The following KIAA0825 variants were observed in gnomAD, a reference collection of about 807,000 sequenced individuals.
KIAA0825 encodes uncharacterized protein KIAA0825.
In KIAA0825, 119 loss-of-function variants were observed where a neutral mutation model predicts 147.6. The observed-to-expected ratio is 0.81, with a 90% confidence interval of 0.69 to 0.94. KIAA0825 has a LOEUF of 0.94. Ranked by LOEUF, KIAA0825 falls within the 40% of genes least tolerant of loss-of-function variation. The probability of loss-of-function intolerance (pLI) is 0.00; values close to 1 mark genes in which losing one functional copy is unlikely to be tolerated. For missense variants in KIAA0825, 1,381 were observed against 1,472.7 expected (o/e 0.94, Z 1.02); for synonymous variants, 470 against 518.1 (o/e 0.91, Z 1.26).
At chr5:94,297,648 T>C (rs2150175323) in intron 20 of KIAA0825, among the ~76,000 whole-genome samples, 1 of 152,066 alleles carries the variant, frequency 6.6e-6, no homozygotes, top group African/African-American at 2.4e-5. Flanking sequence ...CGGGCTAGAG[T>C]GCAGTGGCGC....
At chr5:94,255,992 A>C (rs1776234689) in intron 20 of KIAA0825, among the ~76,000 whole-genome samples, 1 of 151,868 alleles carries the variant, frequency 6.6e-6, no homozygotes. Context: ...GGGATTACAG[A>C]TGTAAGCCAC....
intron 20 of KIAA0825, among the ~76,000 whole-genome samples, chr5:94,238,537 T>C (rs1296884432): frequency 1.3e-5 from 2 of 152,218 alleles, no homozygotes; most frequent in African/African-American, 2.4e-5. Flanking sequence ...TGTTCACTTA[T>C]GTTTTTCTAA....
intron 20 of KIAA0825, among the ~76,000 whole-genome samples, chr5:94,269,075 T>A (rs1660140752): frequency 6.6e-6 from 1 of 152,208 alleles, no homozygotes. Context: ...CAAAGTAATA[T>A]GCTAGTTTAC....
intron 20 of KIAA0825, among the ~76,000 whole-genome samples, chr5:94,274,602 A>G (rs984739263): frequency 6.6e-6 from 1 of 152,154 alleles, no homozygotes; most frequent in Admixed American, 6.6e-5. Context: ...GTTCTTTTGC[A>G]TACTACAGCC....
In KIAA0825 at chr5:94,550,759, G is replaced by A. The variant is rs375463711; in HGVS notation, c.-1-13632C>T. On this transcript the variant is annotated intron_variant, in intron 2 of 20. Transcript: ENST00000682413. ...TGGGAGGCTGAGGCAGGAGAATGGC[G>A]TGAGCCCGGGAGGCGGAGCTTGCAG... Among the ~76,000 whole-genome samples, 264 of 151,654 alleles carry A rather than the reference G, an allele frequency of 1.7e-3. 7 individuals carry two copies. In the South Asian group the frequency reaches 0.033, roughly 19 times the overall value.
At chr5:94,399,772 T>G (rs1584379539) in intron 16 of KIAA0825, among the ~76,000 whole-genome samples, 1 of 152,232 alleles carries the variant, frequency 6.6e-6, no homozygotes, top group East Asian at 1.9e-4. Flanking sequence ...TCATTTCTTC[T>G]TTTCTGTAAT....
At chr5:94,612,485 G>A (rs1789129861) in intron 1 of KIAA0825, among the ~76,000 whole-genome samples, 1 of 152,038 alleles carries the variant, frequency 6.6e-6, no homozygotes, top group South Asian at 2.1e-4. Context: ...TGTCAGACGT[G>A]CATTGAGGCC....
chr5:94,523,378 A>C (rs1457336774), intron 4 of KIAA0825, among the ~76,000 whole-genome samples: 4 of 151,662 alleles, frequency 2.6e-5, no homozygotes. Flanking sequence ...TCTCTAGCAT[A>C]GATGGTGGTC....
At chr5:94,517,234 C>CT (rs1767411497) in intron 5 of KIAA0825, among the ~76,000 whole-genome samples, 1 of 152,096 alleles carries the variant, frequency 6.6e-6, no homozygotes, top group Admixed American at 6.5e-5. Context: ...GAGAAATCTT[C>CT]TTTTTTTGGC....
At chr5:94,299,340 C>T (rs1778278136) in intron 20 of KIAA0825, among the ~76,000 whole-genome samples, 1 of 151,714 alleles carries the variant, frequency 6.6e-6, no homozygotes, top group African/African-American at 2.4e-5. Flanking sequence ...TCTCAGCCTC[C>T]TGAGTAGCTG....
intron 20 of KIAA0825, among the ~76,000 whole-genome samples, chr5:94,336,773 A>G (rs1354215645): frequency 6.6e-6 from 1 of 152,142 alleles, no homozygotes; most frequent in African/African-American, 2.4e-5. Flanking sequence ...TTGGGTATAT[A>G]CCCAGTAATG....
rs563831491 is a variant in KIAA0825 at position 94,387,162 on chromosome 5, G to T, written c.3457-758C>A. 2.0e-5 allele frequency among the ~76,000 whole-genome samples: 3 copies of T among 152,252 alleles called. No individual in the cohort carries two copies. The South Asian group carries it at 6.2e-4, about 32-fold the overall frequency. On this transcript the variant is annotated intron_variant, in intron 18 of 20. Transcript: ENST00000682413. ...CTATTAATAAATAAGTCATCTAATA[G>T]ATTTTAAAAAATATAAATGTTCTTG...
At chr5:94,577,999 G>T (rs1195239413) in intron 2 of KIAA0825, among the ~76,000 whole-genome samples, 1 of 152,140 alleles carries the variant, frequency 6.6e-6, no homozygotes. Flanking sequence ...GCATTTAGCA[G>T]AACTCACAAA....
At position 94,435,005 on chromosome 5, in the gene KIAA0825, C is replaced by G. The variant is rs79378138; in HGVS notation, c.2497+4977G>C. 8.0e-3 allele frequency among the ~76,000 whole-genome samples: 1,219 copies of G among 151,950 alleles called. 15 individuals are homozygous for G. Among genetic ancestry groups the G allele is most frequent in the African/African-American group, 0.025 (1,049 of 41,416 alleles). On this transcript the variant is annotated intron_variant, in intron 14 of 20. Coordinates refer to ENST00000682413, the MANE Select transcript of KIAA0825 (RefSeq NM_001145678.3). ...CAATTATTTATTAAACAAAGAGAAC[C>G]TTGTTTTAAAAAATGTAATAAATAC...
At chr5:94,365,982 A>G (rs892299038) in intron 20 of KIAA0825, among the ~76,000 whole-genome samples, 3 of 152,150 alleles carry the variant, frequency 2.0e-5, no homozygotes, top group South Asian at 2.1e-4. Flanking sequence ...AGATTGATAA[A>G]CTGGCTCATA....
intron 20 of KIAA0825, among the ~76,000 whole-genome samples, chr5:94,157,943 AC>A (rs1274841755): frequency 6.6e-6 from 1 of 152,196 alleles, no homozygotes; most frequent in Non-Finnish European, 1.5e-5. Flanking sequence ...GGAGCAGCCA[AC>A]ACCAGACAGA....
At chr5:94,201,400 A>C (rs1257426114) in intron 20 of KIAA0825, among the ~76,000 whole-genome samples, 1 of 151,850 alleles carries the variant, frequency 6.6e-6, no homozygotes, top group Non-Finnish European at 1.5e-5. Context: ...ATAAAAAACT[A>C]TTCAATGACA....
intron 3 of KIAA0825, among the ~76,000 whole-genome samples, chr5:94,529,295 T>TC (rs1770132867): frequency 7.2e-6 from 1 of 139,404 alleles, no homozygotes; most frequent in Non-Finnish European, 1.5e-5. Context: ...TATGTATATA[T>TC]CATATATATG....
intron 20 of KIAA0825, among the ~76,000 whole-genome samples, chr5:94,273,783 T>TAA (rs36112465): frequency 1.3e-5 from 2 of 150,722 alleles, no homozygotes; most frequent in Middle Eastern, 3.5e-3. Flanking sequence ...GTTAGGAGGT[T>TAA]AAAAAAAAAT....
Sources: allele counts gnomAD v4.1 joint callset (sites outside exome capture counted in the v4.1 genomes callset), GRCh38; gene constraint gnomAD v4.1.1; transcripts MANE v1.5; gene names NCBI Gene and HGNC (gene_info 2026-07-23, HGNC 2026-07-21).